ZNF717: variants seen among roughly 807,000 people sequenced by gnomAD.
The protein encoded by ZNF717 is zinc finger protein 717, also known as krueppel-like factor X17.
In ZNF717, 9 loss-of-function variants were observed where a neutral mutation model predicts 13.8. The observed-to-expected ratio is 0.65, with a 90% CI of 0.39 to 1.14. ZNF717 has a LOEUF of 1.14. Among genes scored for constraint, ZNF717 ranks in the 50% most tolerant of loss-of-function variants. The pLI is 0.01. For synonymous variants in ZNF717, 327 were observed against 364.1 expected, an observed-to-expected ratio of 0.90 and a Z score of 1.16; for missense variants, 1,040 against 1,080.7, an observed-to-expected ratio of 0.96 and a Z score of 0.53.
chr3:75,696,611 G>A (rs1294596286), intron 6 of ZNF717, among the ~76,000 whole-genome samples: 1 of 152,286 alleles, frequency 6.6e-6, no homozygotes, highest in Non-Finnish European at 1.5e-5. Flanking sequence ...AGAATGAAGG[G>A]ACCAGGCACA....
At chr3:75,719,563 T>G (rs1938127897) in intron 4 of ZNF717, among the ~76,000 whole-genome samples, 1 of 152,204 alleles carries the variant, frequency 6.6e-6, no homozygotes, top group Non-Finnish European at 1.5e-5. Context: ...TTTTTGTTCT[T>G]GATTAACAGT....
In ZNF717 at chr3:75,736,737, A is replaced by G. The variant is rs1575752717; in HGVS notation, c.*141T>C. 1.2e-6 allele frequency: 1 copy of G among 845,272 alleles called. No homozygotes were observed. Among genetic ancestry groups the G allele is most frequent in the Non-Finnish European group, 1.8e-6 (1 of 568,444 alleles). 52.4% of individuals were successfully genotyped at this position (845,272 alleles called of 1,614,324 possible). A position where few individuals can be genotyped will look rare whatever the true frequency, so the allele number is the denominator to read the frequency against. On this transcript the variant is annotated 3_prime_UTR_variant, in exon 5 of 5. Transcript: ENST00000652011. ...TAAAAATGGGAACAACAAAGCCTGC[A>G]TGATAGGACTTCTGTTACAGCATGG...
At chr3:75,734,088 G>C (rs1159317530), downstream of ZNF717, among the ~76,000 whole-genome samples, 1 of 151,988 alleles carries the variant, frequency 6.6e-6, no homozygotes, top group Admixed American at 6.6e-5. Context: ...TATTTATTTT[G>C]AGACAGAGTC....
rs75154901 is a variant in ZNF717, at chr3:75,780,412, A to AT, written c.57+2893dup. On this transcript the variant is annotated intron_variant, in intron 2 of 4. Coordinates refer to ENST00000652011, the MANE Select transcript of ZNF717 (RefSeq NM_001290208.3). ...AGAACTTGACTAAAAAGGAGGAATTATTTTTTTTCTGAGATAGAGTCTTGC... is the reference window on the plus strand; with the variant it reads ...AGAACTTGACTAAAAAGGAGGAATTATTTTTTTTTCTGAGATAGAGTCTTGC... Among the ~76,000 whole-genome samples, 501 of 130,268 alleles carry AT rather than the reference A, an allele frequency of 3.8e-3. 16 individuals are homozygous for AT. In the East Asian group the frequency reaches 0.081, roughly 21 times the overall value. The allele number at this position is 130,268 out of a possible 152,430, so 85.5% of individuals were successfully genotyped here. A position where few individuals can be genotyped will look rare whatever the true frequency, so the allele number is the denominator to read the frequency against.
At chr3:75,743,721 G>A (rs1486752538) in intron 2 of ZNF717, among the ~76,000 whole-genome samples, 1 of 152,246 alleles carries the variant, frequency 6.6e-6, no homozygotes, top group African/African-American at 2.4e-5. Context: ...GTAGAAACAG[G>A]ATTTGGTACC....
chr3:75,700,439 G>A (rs1332069875), intron 6 of ZNF717, among the ~76,000 whole-genome samples: 1 of 151,764 alleles, frequency 6.6e-6, no homozygotes, highest in Non-Finnish European at 1.5e-5. Context: ...AAAAAATTCT[G>A]AACTGTATAT....
intron 2 of ZNF717, among the ~76,000 whole-genome samples, chr3:75,765,178 C>T (rs181457472): frequency 6.6e-6 from 1 of 151,350 alleles, no homozygotes; most frequent in Admixed American, 6.6e-5. Flanking sequence ...GTATATAAGC[C>T]AAATTTTTAG....
chr3:75,762,440 CAAAAAA>C (rs36024450), intron 2 of ZNF717, among the ~76,000 whole-genome samples: 15,182 of 106,200 alleles, frequency 0.14, no homozygotes, highest in Middle Eastern at 0.19. Context: ...GACTCCATCT[CAAAAAA>C]AAAAAAAAAA....
downstream of ZNF717, among the ~76,000 whole-genome samples, chr3:75,734,036 T>G (rs1458684840): frequency 2.0e-5 from 3 of 150,834 alleles, no homozygotes; most frequent in South Asian, 6.3e-4. Context: ...AAAAAAAAGA[T>G]ACACATCTGA....
intron 2 of ZNF717, among the ~76,000 whole-genome samples, chr3:75,778,693 G>C (rs1169461531): frequency 2.0e-5 from 3 of 151,630 alleles, no homozygotes; most frequent in Non-Finnish European, 4.4e-5. Context: ...AACAATGGGA[G>C]TGACGTGCTA....
chr3:75,699,137 T>C, intron 6 of ZNF717, among the ~76,000 whole-genome samples: 1 of 152,430 alleles, frequency 6.6e-6, no homozygotes, highest in Admixed American at 6.5e-5. Flanking sequence ...TAGGATTATT[T>C]ACCCAATGCC....
chr3:75,736,608 G>A lies in ZNF717; in HGVS notation c.*270C>T, dbSNP rs147956684. The A allele has an allele frequency of 3.9e-3, 1,737 of 447,808 alleles. No homozygotes were observed. The highest frequency in any genetic ancestry group is 0.032 in the African/African-American group (1,540 of 48,588). The allele number at this position is 447,808 out of a possible 1,614,324, so 27.7% of individuals were successfully genotyped here. On this transcript the variant is annotated 3_prime_UTR_variant, in exon 5 of 5. Coordinates refer to ENST00000652011, the MANE Select transcript of ZNF717 (RefSeq NM_001290208.3). ...CTCTTCAATTCTATGGAGGAGAAGA[G>A]AGGTGAGGAAGTTGCAGAAGAAATG...
chr3:75,755,959 G>A (rs190533683), intron 2 of ZNF717, among the ~76,000 whole-genome samples: 1 of 152,374 alleles, frequency 6.6e-6, no homozygotes, highest in Admixed American at 6.5e-5. Flanking sequence ...TCTATCAAAA[G>A]ACAGACACAT....
chr3:75,769,342 C>T (rs1457020704), intron 2 of ZNF717, among the ~76,000 whole-genome samples: 11 of 151,940 alleles, frequency 7.2e-5, no homozygotes, highest in South Asian at 2.1e-4. Flanking sequence ...GCCTACTCCA[C>T]GTCCCCAGCC....
At chr3:75,721,016 T>C (rs145816661) in intron 4 of ZNF717, among the ~76,000 whole-genome samples, 3 of 151,808 alleles carry the variant, frequency 2.0e-5, no homozygotes, top group East Asian at 1.9e-4. Flanking sequence ...ATCAATATTT[T>C]TAAAACAAAT....
At chr3:75,765,136 T>G (rs1943362864) in intron 2 of ZNF717, among the ~76,000 whole-genome samples, 1 of 147,866 alleles carries the variant, frequency 6.8e-6, no homozygotes, top group Admixed American at 6.8e-5. Flanking sequence ...TGAAACCTAC[T>G]TAACAAAACA....
chr3:75,767,236 AAC>A (rs1463549694), intron 2 of ZNF717, among the ~76,000 whole-genome samples: 1 of 152,236 alleles, frequency 6.6e-6, no homozygotes, highest in Non-Finnish European at 1.5e-5. Flanking sequence ...AGCCTCCAGC[AAC>A]ACCCACTCCC....
downstream of ZNF717, among the ~76,000 whole-genome samples, chr3:75,733,363 G>A (rs2106933277): frequency 6.6e-6 from 1 of 152,340 alleles, no homozygotes; most frequent in East Asian, 1.9e-4. Context: ...GAGCACACCA[G>A]GCAGGATACA....
At chr3:75,739,913 A>ATCTC (rs757836417) in intron 4 of ZNF717, among the ~76,000 whole-genome samples, 24 of 151,988 alleles carry the variant, frequency 1.6e-4, no homozygotes, top group Non-Finnish European at 2.8e-4. Context: ...CAAGCAGAAA[A>ATCTC]TCTCTTATTC....
Sources: allele counts gnomAD v4.1 joint callset (sites outside exome capture counted in the v4.1 genomes callset), GRCh38; gene constraint gnomAD v4.1.1; transcripts MANE v1.5; gene names NCBI Gene and HGNC (gene_info 2026-07-23, HGNC 2026-07-21).